OR2B11: variants seen among roughly 807,000 people sequenced by gnomAD.
OR2B11 encodes the protein olfactory receptor 2B11.
For synonymous variants in OR2B11, 198 were observed against 174.5 expected (o/e 1.13, Z -1.06); for missense variants, 422 against 400.0 (o/e 1.05, Z -0.47).
chr1:247,456,841 T>C (rs1167484660), intron 1 of OR2B11, among the ~76,000 whole-genome samples: 1 of 152,186 alleles, frequency 6.6e-6, no homozygotes, highest in East Asian at 1.9e-4. Context: ...GTCCCACTAA[T>C]GAGAACATGA....
Position 247,453,944 on chromosome 1 carries a change from ATT to A in OR2B11, c.-1964_-1963del, listed in dbSNP as rs1398992527. The A allele has an allele frequency of 6.6e-6, 1 of 152,138 alleles. No individual in the cohort carries two copies. The highest frequency in any genetic ancestry group is 2.4e-5 in the African/African-American group (1 of 41,416). 9.4% of individuals were successfully genotyped at this position (152,138 alleles called of 1,614,324 possible). ...AGCCAAACTCCTGCTCTTCACTACT[ATT>A]CTCTCCAGAACTTTGCTTTAAAAAA... On this transcript the variant is annotated 5_prime_UTR_variant, in exon 2 of 2. An upstream open reading frame in the 5' UTR loses its in-frame stop. Transcript: ENST00000641149.
chr1:247,456,010 AG>A (rs1475499325), intron 1 of OR2B11, among the ~76,000 whole-genome samples: 1 of 152,198 alleles, frequency 6.6e-6, no homozygotes, highest in East Asian at 1.9e-4. Context: ...ACAAATTCTT[AG>A]CATTGAGAGG....
chr1:247,455,309 CTCTT>C (rs1475974130), intron 1 of OR2B11, among the ~76,000 whole-genome samples: 2 of 152,142 alleles, frequency 1.3e-5, no homozygotes, highest in African/African-American at 4.8e-5. Flanking sequence ...TCCAAAGGGT[CTCTT>C]TCTTCAGTCT....
rs939236650 is a variant in OR2B11 at position 247,451,412 on chromosome 1, G to A, written c.571C>T (p.Leu191=). ...FFCEVPAVIK[L]SCADTAVNDT... is the part of the protein sequence containing the mutation. Reference sequence around the variant, plus strand: ...TTCACAGCGGTGTCAGCACACGACAGCTTGATCACGGCCGGCACCTCACAG... The same window carrying A: ...TTCACAGCGGTGTCAGCACACGACAACTTGATCACGGCCGGCACCTCACAG... Residue 191 remains leucine, a synonymous_variant, in exon 2 of 2, where the codon CTG becomes TTG. Transcript: ENST00000641149. 4.3e-6 allele frequency: 7 copies of A among 1,614,042 alleles called. No individual in the cohort carries two copies. Among genetic ancestry groups the A allele is most frequent in the Admixed American group, 3.3e-5 (2 of 59,996 alleles).
intron 1 of OR2B11, 107 bp downstream of exon 1, chr1:247,457,532 A>G (rs10732301): frequency 0.83 from 125,646 of 152,296 alleles, 54,159 homozygotes; most frequent in East Asian, 1. Flanking sequence ...CCTCCACCTC[A>G]TGTGCCCTTG....
intron 1 of OR2B11, among the ~76,000 whole-genome samples, chr1:247,456,649 T>C (rs1035363377): frequency 4.6e-5 from 7 of 151,936 alleles, no homozygotes; most frequent in African/African-American, 9.7e-5. Flanking sequence ...CTGGGATACA[T>C]GTGCAGAACG....
At position 247,451,472 on chromosome 1, in the gene OR2B11, G is replaced by A; in HGVS notation, c.511C>T (p.Pro171Ser). 6.2e-7 allele frequency: 1 copy of A among 1,614,176 alleles called. No individual in the cohort carries two copies. Among genetic ancestry groups the A allele is most frequent in the Non-Finnish European group, 8.5e-7 (1 of 1,180,028 alleles). ...TTCAGCACCTGCCGCCCGCAGAATG[G>A]CAATTGCACCGTCAGGACCACCTGC... ...FVQVVLTVQLPFCGRQVLNNF... is the reference protein window; with the variant it reads ...FVQVVLTVQLSFCGRQVLNNF... Residue 171 changes from proline to serine, a missense_variant, in exon 2 of 2, where the codon CCA becomes TCA. Physicochemically the swap from Pro to Ser is moderately conservative, Grantham distance 74. Coordinates refer to ENST00000641149, the MANE Select transcript of OR2B11 (RefSeq NM_001004492.2).
At chr1:247,455,645 A>G (rs888287143) in intron 1 of OR2B11, among the ~76,000 whole-genome samples, 1 of 151,936 alleles carries the variant, frequency 6.6e-6, no homozygotes, top group Non-Finnish European at 1.5e-5. Flanking sequence ...CCCAGCCTCA[A>G]CTCCACCTCT....
chr1:247,452,254 T>C lies in OR2B11; in HGVS notation c.-272A>G. The C allele has an allele frequency of 2.5e-6, 1 of 407,860 alleles. No homozygotes were observed. Among genetic ancestry groups the C allele is most frequent in the Non-Finnish European group, 4.4e-6 (1 of 225,118 alleles). 25.3% of individuals were successfully genotyped at this position (407,860 alleles called of 1,614,324 possible). ...TTCCTGAACTTCTGCATCTGTAAAA[T>C]GGGGAGAAATACCTCCTTCAATTGC... On this transcript the variant is annotated 5_prime_UTR_variant, in exon 2 of 2. Coordinates refer to ENST00000641149, the MANE Select transcript of OR2B11 (RefSeq NM_001004492.2).
Position 247,451,936 on chromosome 1 carries a change from A to G in OR2B11, c.47T>C (p.Phe16Ser). Residue 16 changes from phenylalanine to serine, a missense_variant, in exon 2 of 2, where the codon TTC becomes TCC. Phe to Ser is a radical substitution (Grantham distance 155, BLOSUM62 -2). Coordinates refer to ENST00000641149, the MANE Select transcript of OR2B11 (RefSeq NM_001004492.2). Reference protein sequence around the residue: ...HSFLGDSPKAFILLGVSDRPW... With the variant: ...HSFLGDSPKASILLGVSDRPW... ...CCTGTCAGACACACCCAGAAGGATG[A>G]AGGCTTTAGGGGAGTCCCCTAAGAA... 2 of 1,602,492 alleles carry G rather than the reference A, an allele frequency of 1.2e-6. No individual in the cohort carries two copies. Among genetic ancestry groups the G allele is most frequent in the Non-Finnish European group, 8.5e-7 (1 of 1,175,192 alleles).
Position 247,452,038 on chromosome 1 carries a change from C to T in OR2B11, c.-56G>A, listed in dbSNP as rs55889481. On this transcript the variant is annotated 5_prime_UTR_variant, in exon 2 of 2. Transcript: ENST00000641149. ...TTGAGAAAATTGGAATGAATAATACCTGAGAAGAGGAATTGATCACTTTCC... is the reference window on the plus strand; with the variant it reads ...TTGAGAAAATTGGAATGAATAATACTTGAGAAGAGGAATTGATCACTTTCC... 130,838 of 1,037,544 alleles carry T rather than the reference C, an allele frequency of 0.13. 10,878 individuals carry two copies. The highest frequency in any genetic ancestry group is 0.35 in the African/African-American group (22,460 of 64,024). The allele number at this position is 1,037,544 out of a possible 1,614,324, so 64.3% of individuals were successfully genotyped here.
chr1:247,451,910 G>A lies in OR2B11; in HGVS notation c.73C>T (p.Pro25Ser), dbSNP rs1187808268. The change falls in exon 2 of 2, where the codon CCG becomes TCG. Residue 25 changes from proline to serine, a missense_variant. Transcript: ENST00000641149. ...AFILLGVSDR[P>S]WLELPLFVVL... ...ACAAAGAGAGGGAGTTCCAGCCACG[G>A]CCTGTCAGACACACCCAGAAGGATG... 20 of 1,613,992 alleles carry A rather than the reference G, an allele frequency of 1.2e-5. No individual in the cohort carries two copies. The highest frequency in any genetic ancestry group is 3.3e-5 in the Admixed American group (2 of 60,012).
chr1:247,452,002 C>T lies in OR2B11; in HGVS notation c.-20G>A, dbSNP rs780118194. On this transcript the variant is annotated 5_prime_UTR_variant, in exon 2 of 2. In the 5' UTR this introduces an upstream ATG that the reference lacks. Transcript: ENST00000641149. ...TTTCATGTTGCGGCATTTTCTGGCACTTGTGGCAAATTGAGAAAATTGGAA... is the reference window on the plus strand; with the variant it reads ...TTTCATGTTGCGGCATTTTCTGGCATTTGTGGCAAATTGAGAAAATTGGAA... 2.6e-6 allele frequency: 4 copies of T among 1,516,594 alleles called. No individual in the cohort carries two copies. The highest frequency in any genetic ancestry group is 3.7e-6 in the Non-Finnish European group (4 of 1,094,038). The allele number at this position is 1,516,594 out of a possible 1,614,324, so 93.9% of individuals were successfully genotyped here.
Position 247,450,990 on chromosome 1 carries a change from G to T in OR2B11, c.*39C>A. The T allele has an allele frequency of 8.1e-7, 1 of 1,238,392 alleles. No individual in the cohort carries two copies. The highest frequency in any genetic ancestry group is 1.1e-6 in the Non-Finnish European group (1 of 901,104). The allele number at this position is 1,238,392 out of a possible 1,614,324, so 76.7% of individuals were successfully genotyped here. On this transcript the variant is annotated 3_prime_UTR_variant, in exon 2 of 2. Coordinates refer to ENST00000641149, the MANE Select transcript of OR2B11 (RefSeq NM_001004492.2). ...TGAGTGCACAATAGACTTGTGCTGTGTTCTTTAATTGATGGAGATGCTACA... is the reference window on the plus strand; with the variant it reads ...TGAGTGCACAATAGACTTGTGCTGTTTTCTTTAATTGATGGAGATGCTACA...
Position 247,451,590 on chromosome 1 carries a change from G to A in OR2B11, c.393C>T (p.Cys131=), listed in dbSNP as rs777523207. ...TGAGAACGGCATAGTGCAGGGGCTT[G>A]CAGATGGCCACGTAGCGGTCCAGGG... The part of the protein sequence containing the change: ...AMALDRYVAI[C]KPLHYAVLMH... Residue 131 remains cysteine (C), a synonymous_variant, in exon 2 of 2, where the codon TGC becomes TGT. Coordinates refer to ENST00000641149, the MANE Select transcript of OR2B11 (RefSeq NM_001004492.2). 5.0e-6 allele frequency: 8 copies of A among 1,613,836 alleles called. No individual in the cohort carries two copies. The highest frequency in any genetic ancestry group is 5.9e-6 in the Non-Finnish European group (7 of 1,179,818).
rs1038951435 is a variant in OR2B11 at position 247,452,870 on chromosome 1, G to A, written c.-888C>T. 5.9e-5 allele frequency: 9 copies of A among 152,168 alleles called. No individual in the cohort carries two copies. Among genetic ancestry groups the A allele is most frequent in the African/African-American group, 1.9e-4 (8 of 41,416 alleles). 9.4% of individuals were successfully genotyped at this position (152,168 alleles called of 1,614,324 possible). On this transcript the variant is annotated 5_prime_UTR_variant, in exon 2 of 2. Coordinates refer to ENST00000641149, the MANE Select transcript of OR2B11 (RefSeq NM_001004492.2). Reference sequence around the variant, plus strand: ...CTAGGTTTTATCTGATGGCTTGAGTGACATTCCAATTTCCTGCACAATTTC... The same window carrying A: ...CTAGGTTTTATCTGATGGCTTGAGTAACATTCCAATTTCCTGCACAATTTC...
At position 247,450,946 on chromosome 1, in the gene OR2B11, C is replaced by T. The variant is rs1298816525; in HGVS notation, c.*83G>A. ...TTTTTGAGCTCTCTGGGTATTAACTCCTTAAGTGAAAGATGCTCTGAGTGC... is the reference window on the plus strand; with the variant it reads ...TTTTTGAGCTCTCTGGGTATTAACTTCTTAAGTGAAAGATGCTCTGAGTGC... On this transcript the variant is annotated 3_prime_UTR_variant, in exon 2 of 2. Coordinates refer to ENST00000641149, the MANE Select transcript of OR2B11 (RefSeq NM_001004492.2). The T allele has an allele frequency of 1.1e-5, 9 of 802,118 alleles. No individual in the cohort carries two copies. Among genetic ancestry groups the T allele is most frequent in the Admixed American group, 2.8e-5 (1 of 35,844 alleles). 49.7% of individuals were successfully genotyped at this position (802,118 alleles called of 1,614,324 possible). A position where few individuals can be genotyped will look rare whatever the true frequency, so the allele number is the denominator to read the frequency against.
rs1418283640 is a variant in OR2B11 at position 247,451,249 on chromosome 1, C to A, written c.734G>T (p.Cys245Phe). The change falls in exon 2 of 2, where the codon TGT (cysteine) becomes TTT (phenylalanine). Residue 245 changes from cysteine (C) to phenylalanine (F), a missense_variant. Cys to Phe is a radical substitution (Grantham distance 205). Transcript: ENST00000641149. The part of the protein sequence containing the change: ...SKGRHKAFGT[C>F]SSHLMIVSLF... ...GGAGACGATCATCAGGTGGGAGGAA[C>A]ACGTCCCAAAGGCCTTGTGTCGTCC... is the stretch of plus-strand genomic sequence containing the variant. 2 of 1,608,132 alleles carry A rather than the reference C, an allele frequency of 1.2e-6. No individual in the cohort carries two copies. Among genetic ancestry groups the A allele is most frequent in the Non-Finnish European group, 1.7e-6 (2 of 1,175,382 alleles).
Position 247,452,003 on chromosome 1 carries a change from T to C in OR2B11, c.-21A>G, listed in dbSNP as rs2103266388. 6.7e-7 allele frequency: 1 copy of C among 1,483,794 alleles called. No homozygotes were observed. Among genetic ancestry groups the C allele is most frequent in the Non-Finnish European group, 9.4e-7 (1 of 1,064,332 alleles). The allele number at this position is 1,483,794 out of a possible 1,614,324, so 91.9% of individuals were successfully genotyped here. On this transcript the variant is annotated 5_prime_UTR_variant, in exon 2 of 2. Coordinates refer to ENST00000641149, the MANE Select transcript of OR2B11 (RefSeq NM_001004492.2). ...TTCATGTTGCGGCATTTTCTGGCACTTGTGGCAAATTGAGAAAATTGGAAT... is the reference window on the plus strand; with the variant it reads ...TTCATGTTGCGGCATTTTCTGGCACCTGTGGCAAATTGAGAAAATTGGAAT...
Sources: gnomAD v4.1 joint callset for allele counts (sites outside exome capture counted in the v4.1 genomes callset) on GRCh38, gnomAD v4.1.1 for gene constraint, MANE v1.5 for transcripts, NCBI Gene and HGNC (gene_info 2026-07-23, HGNC 2026-07-21) for gene names.